Variants in PKHD1 observed in about 807,000 individuals in gnomAD.
PKHD1 encodes PKHD1 ciliary IPT domain containing fibrocystin/polyductin.
Under a neutral mutation model 412.0 loss-of-function variants are expected in PKHD1, and 291 were observed. The ratio of observed to expected loss-of-function variants is 0.71; its 90% confidence interval spans 0.64 to 0.78. The LOEUF (loss-of-function observed/expected upper bound fraction) is 0.78. Ranked by LOEUF, PKHD1 falls within the 30% of genes least tolerant of loss-of-function variation. The pLI is 0.00. For synonymous variants in PKHD1, 1,777 were observed against 1,821.5 expected (o/e 0.98, Z 0.62); for missense variants, 4,825 against 4,950.7 (o/e 0.97, Z 0.76).
chr6:51,793,669 T>C (rs764908285), intron 52 of PKHD1, among the ~76,000 whole-genome samples: 3 of 152,322 alleles, frequency 2.0e-5, no homozygotes, highest in South Asian at 4.1e-4. Flanking sequence ...TCCAGCTCCA[T>C]CCATATCCCT....
chr6:52,081,975 A>C (rs1812102040), intron 4 of PKHD1, among the ~76,000 whole-genome samples: 1 of 152,184 alleles, frequency 6.6e-6, no homozygotes, highest in Non-Finnish European at 1.5e-5. Flanking sequence ...AAATAGAGGT[A>C]ATGTCAAACT....
intron 35 of PKHD1, among the ~76,000 whole-genome samples, chr6:51,992,469 C>T (rs1206328673): frequency 1.3e-5 from 2 of 152,204 alleles, no homozygotes; most frequent in Non-Finnish European, 2.9e-5. Flanking sequence ...TCAAGAATCA[C>T]TCCCTGATTC....
At position 51,870,583 on chromosome 6, in the gene PKHD1, C is replaced by A; in HGVS notation, c.7407G>T (p.Val2469=). ...IKTPKRWELM[V]SNTTFVNFDL... ...CAAAATTAACAAAGGTTGTGTTAGA[C>A]ACCATCAGTTCCCATCTTTTAGGAG... is the stretch of plus-strand genomic sequence containing the variant. The change falls in exon 47 of 67, where the codon GTG becomes GTT. Residue 2469 remains valine, a synonymous_variant. Coordinates refer to ENST00000371117, the MANE Select transcript of PKHD1 (RefSeq NM_138694.4). 3 of 1,606,690 alleles carry A rather than the reference C, an allele frequency of 1.9e-6. No individual in the cohort carries two copies. The highest frequency in any genetic ancestry group is 1.7e-6 in the Non-Finnish European group (2 of 1,173,268).
chr6:52,057,005 T>G (rs368287424), intron 16 of PKHD1, 26 bp from the exon 17 acceptor site: 49 of 1,440,416 alleles, frequency 3.4e-5, no homozygotes, highest in Non-Finnish European at 4.6e-5. Flanking sequence ...CAGACAAGAC[T>G]AAATGATGGT....
chr6:51,650,530 C>G (rs1770774285), intron 61 of PKHD1, among the ~76,000 whole-genome samples: 1 of 152,096 alleles, frequency 6.6e-6, no homozygotes. Flanking sequence ...ACCACCTCCC[C>G]TTCCCCACGT....
chr6:51,909,471 T>C lies in PKHD1; in HGVS notation c.6494A>G (p.Asn2165Ser). 1 of 1,611,804 alleles carries C rather than the reference T, an allele frequency of 6.2e-7. No homozygotes were observed. The highest frequency in any genetic ancestry group is 8.5e-7 in the Non-Finnish European group (1 of 1,178,110). ...CATGGAATACAAACAGTGCTGCAGA[T>C]TACCTGAAATGCAAAATAAAGTCCA... ...SCQEANAPEG[N>S]LQHCLYSMSE... The change falls in exon 40 of 67, where the codon AAT (asparagine) becomes AGT (serine). Residue 2165 changes from asparagine to serine, a missense_variant. By Grantham distance (46) the Asn-to-Ser change is conservative. Coordinates refer to ENST00000371117, the MANE Select transcript of PKHD1 (RefSeq NM_138694.4).
intron 33 of PKHD1, among the ~76,000 whole-genome samples, chr6:52,018,989 A>G (rs1800972960): frequency 6.6e-6 from 1 of 152,188 alleles, no homozygotes; most frequent in African/African-American, 2.4e-5. Flanking sequence ...TAGAGATAAA[A>G]AGCAAGTATT....
At chr6:51,904,915 C>A (rs192189959) in intron 41 of PKHD1, among the ~76,000 whole-genome samples, 10 of 152,318 alleles carry the variant, frequency 6.6e-5, no homozygotes, top group Admixed American at 5.9e-4. Flanking sequence ...TAGTTGACTT[C>A]CCTGTGGCTG....
chr6:51,811,932 T>C (rs964356103), intron 52 of PKHD1, among the ~76,000 whole-genome samples: 2 of 152,202 alleles, frequency 1.3e-5, no homozygotes, highest in African/African-American at 4.8e-5. Flanking sequence ...TTATGTATTA[T>C]GTTTAAAATT....
intron 55 of PKHD1, among the ~76,000 whole-genome samples, chr6:51,757,762 G>A (rs1169978475): frequency 6.6e-6 from 1 of 151,934 alleles, no homozygotes; most frequent in African/African-American, 2.4e-5. Flanking sequence ...CAGTACTTTG[G>A]GAAGCCAAGA....
At chr6:51,735,224 G>A (rs1783688908) in intron 60 of PKHD1, among the ~76,000 whole-genome samples, 1 of 152,162 alleles carries the variant, frequency 6.6e-6, no homozygotes, top group Non-Finnish European at 1.5e-5. Flanking sequence ...TATGAACTCT[G>A]GCTTTGGAGT....
intron 35 of PKHD1, among the ~76,000 whole-genome samples, chr6:52,005,614 A>G (rs1581701871): frequency 6.6e-6 from 1 of 151,784 alleles, no homozygotes. Flanking sequence ...ACCTTTCCCA[A>G]CTCCGAGCCC....
chr6:51,623,541 A>T (rs180774042), intron 66 of PKHD1, among the ~76,000 whole-genome samples: 1 of 152,162 alleles, frequency 6.6e-6, no homozygotes, highest in East Asian at 1.9e-4. Context: ...TCTGCAAACA[A>T]CTTCCATCAT....
At chr6:51,787,604 AT>A (rs1793094145) in intron 53 of PKHD1, among the ~76,000 whole-genome samples, 1 of 152,092 alleles carries the variant, frequency 6.6e-6, no homozygotes, top group South Asian at 2.1e-4. Context: ...CATTGGGCAG[AT>A]GGGTTCCAAT....
intron 60 of PKHD1, among the ~76,000 whole-genome samples, chr6:51,665,307 T>A (rs1031217405): frequency 6.6e-6 from 1 of 152,204 alleles, no homozygotes; most frequent in South Asian, 2.1e-4. Context: ...GATTGGGATG[T>A]GACTGCCCCA....
At chr6:51,887,046 GC>G in intron 44 of PKHD1, 86 bp downstream of exon 44, 1 of 860,862 alleles carries the variant, frequency 1.2e-6, no homozygotes, top group Non-Finnish European at 2.0e-6. Context: ...TCCAACAAAT[GC>G]CCAAAGTGCT....
chr6:52,041,065 G>A (rs2128178893), intron 27 of PKHD1, among the ~76,000 whole-genome samples: 1 of 152,294 alleles, frequency 6.6e-6, no homozygotes, highest in South Asian at 2.1e-4. Flanking sequence ...CCTTAAAGAA[G>A]ACAATGCTAT....
At chr6:52,003,270 T>C (rs527995732) in intron 35 of PKHD1, among the ~76,000 whole-genome samples, 88 of 152,206 alleles carry the variant, frequency 5.8e-4, no homozygotes, top group Non-Finnish European at 1.1e-3. Context: ...AGCTATTTTG[T>C]AGTCACTAGA....
intron 1 of PKHD1, among the ~76,000 whole-genome samples, chr6:52,085,619 C>CT (rs1812666380): frequency 6.6e-6 from 1 of 152,122 alleles, no homozygotes; most frequent in Non-Finnish European, 1.5e-5. Context: ...CCCTGAACCT[C>CT]TAACTTCCGT....
Sources: gnomAD v4.1 joint callset for allele counts (sites outside exome capture counted in the v4.1 genomes callset) on GRCh38, gnomAD v4.1.1 for gene constraint, MANE v1.5 for transcripts, NCBI Gene and HGNC (gene_info 2026-07-23, HGNC 2026-07-21) for gene names.